The following XRCC4 variants were observed in gnomAD, a reference collection of about 807,000 sequenced individuals.
XRCC4 encodes X-ray repair cross complementing 4.
Under a neutral mutation model 39.1 loss-of-function variants are expected in XRCC4, and 28 were observed. The observed-to-expected ratio is 0.72, with a 90% CI of 0.53 to 0.98. XRCC4 has a LOEUF of 0.98. Among genes scored for constraint, XRCC4 ranks in the 50% least tolerant of loss-of-function variants. XRCC4 has a pLI of 0.00. For synonymous variants in XRCC4, 123 were observed against 126.4 expected (o/e 0.97, Z 0.18); for missense variants, 350 against 376.4 (o/e 0.93, Z 0.58).
intron 3 of XRCC4, among the ~76,000 whole-genome samples, chr5:83,115,231 C>T (rs1024853335): frequency 3.9e-5 from 6 of 152,092 alleles, no homozygotes; most frequent in African/African-American, 1.4e-4. Context: ...AGTTCCAGAC[C>T]AGGCTGACCA....
intron 6 of XRCC4, among the ~76,000 whole-genome samples, chr5:83,208,666 A>G (rs1751513403): frequency 6.6e-6 from 1 of 152,028 alleles, no homozygotes; most frequent in South Asian, 2.1e-4. Context: ...GTACTGTATG[A>G]TGTAGCATGA....
At chr5:83,116,896 A>G (rs1746751419) in intron 3 of XRCC4, among the ~76,000 whole-genome samples, 1 of 152,122 alleles carries the variant, frequency 6.6e-6, no homozygotes, top group African/African-American at 2.4e-5. Flanking sequence ...TGCTGGGATT[A>G]TAGGCATGAG....
At chr5:83,264,320 A>G (rs867117001) in intron 7 of XRCC4, among the ~76,000 whole-genome samples, 2 of 152,144 alleles carry the variant, frequency 1.3e-5, no homozygotes, top group Non-Finnish European at 2.9e-5. Context: ...TTGCAGTCAC[A>G]TAGAGTTTAG....
intron 3 of XRCC4, among the ~76,000 whole-genome samples, chr5:83,129,482 C>A (rs576981667): frequency 6.6e-6 from 1 of 151,970 alleles, no homozygotes; most frequent in Non-Finnish European, 1.5e-5. Context: ...TCCATATGAA[C>A]TTTAAAGTAG....
intron 1 of XRCC4, among the ~76,000 whole-genome samples, chr5:83,087,971 T>C (rs541993440): frequency 6.6e-6 from 1 of 152,328 alleles, no homozygotes; most frequent in East Asian, 1.9e-4. Context: ...TTTCAATTGT[T>C]AAGGAAAAAT....
intron 1 of XRCC4, among the ~76,000 whole-genome samples, chr5:83,082,453 G>T (rs912462491): frequency 6.6e-6 from 1 of 152,094 alleles, no homozygotes; most frequent in Non-Finnish European, 1.5e-5. Context: ...GAAGAAATTG[G>T]GTGAGGGGTA....
At chr5:83,240,520 C>A (rs1164183420) in intron 6 of XRCC4, among the ~76,000 whole-genome samples, 1 of 152,104 alleles carries the variant, frequency 6.6e-6, no homozygotes, top group Non-Finnish European at 1.5e-5. Flanking sequence ...GGCATTCTGA[C>A]TTTTAGGTTT....
intron 7 of XRCC4, among the ~76,000 whole-genome samples, chr5:83,291,577 GA>G (rs1754921241): frequency 6.6e-6 from 1 of 151,846 alleles, no homozygotes; most frequent in Non-Finnish European, 1.5e-5. Context: ...TGGAGCAGCA[GA>G]ATAGAATATA....
At chr5:83,370,682 C>G in the XRCC4 span, among the ~76,000 whole-genome samples, 1 of 152,148 alleles carries the variant, frequency 6.6e-6, no homozygotes. Context: ...TTGGAAACCT[C>G]ATTGTGATTG....
rs374403229 is a variant in XRCC4 at position 83,139,556 on chromosome 5, ATGT to A, written c.315+28358_315+28360del. Among the ~76,000 whole-genome samples, 8 of 152,310 alleles carry A rather than the reference ATGT, an allele frequency of 5.3e-5. No homozygotes were observed. In the South Asian group the frequency reaches 1.4e-3, roughly 28 times the overall value. ...TAGCAGAGTTAGCAAATACAGTCAC[ATGT>A]TGTTTAACAGTGGGGATATGTTCTG... On this transcript the variant is annotated intron_variant, in intron 3 of 7. Coordinates refer to ENST00000396027, the MANE Select transcript of XRCC4 (RefSeq NM_003401.5).
chr5:83,192,767 A>T (rs976199821), intron 3 of XRCC4, among the ~76,000 whole-genome samples: 5 of 152,182 alleles, frequency 3.3e-5, no homozygotes, highest in Admixed American at 2.6e-4. Flanking sequence ...ACTACAAAAA[A>T]ACTCTTAATT....
At position 83,136,903 on chromosome 5, in the gene XRCC4, T is replaced by C. The variant is rs555412190; in HGVS notation, c.315+25700T>C. 5.3e-5 allele frequency among the ~76,000 whole-genome samples: 8 copies of C among 152,340 alleles called. No individual in the cohort carries two copies. In the East Asian group the frequency reaches 1.5e-3, roughly 29 times the overall value. On this transcript the variant is annotated intron_variant, in intron 3 of 7. Transcript: ENST00000396027. ...ACCATGGTGACTATAGGTACCAATA[T>C]TGTACTGTATTTGAAGGTTGCTAAG...
intron 7 of XRCC4, among the ~76,000 whole-genome samples, chr5:83,315,971 G>T (rs1308284591): frequency 4.6e-5 from 7 of 152,082 alleles, no homozygotes; most frequent in African/African-American, 1.4e-4. Flanking sequence ...ATGGATCTTC[G>T]CAAAGTAAAT....
At chr5:83,211,216 G>A (rs1161169796) in intron 6 of XRCC4, among the ~76,000 whole-genome samples, 1 of 152,206 alleles carries the variant, frequency 6.6e-6, no homozygotes, top group African/African-American at 2.4e-5. Flanking sequence ...GCCTAAGACT[G>A]CCTCTATCAC....
At chr5:83,282,569 C>T (rs1188474621) in intron 7 of XRCC4, among the ~76,000 whole-genome samples, 1 of 151,984 alleles carries the variant, frequency 6.6e-6, no homozygotes, top group Non-Finnish European at 1.5e-5. Flanking sequence ...TTGAGCCAGG[C>T]ATGGTGGCTC....
chr5:83,116,196 A>T (rs758662973), intron 3 of XRCC4, among the ~76,000 whole-genome samples: 1 of 152,218 alleles, frequency 6.6e-6, no homozygotes, highest in Non-Finnish European at 1.5e-5. Context: ...CCTTTTCTTG[A>T]TGATACAAAC....
At chr5:83,151,801 G>C (rs1363357545) in intron 3 of XRCC4, among the ~76,000 whole-genome samples, 1 of 152,132 alleles carries the variant, frequency 6.6e-6, no homozygotes, top group East Asian at 1.9e-4. Flanking sequence ...TCAGATAAAA[G>C]GATATAGTAA....
intron 1 of XRCC4, among the ~76,000 whole-genome samples, chr5:83,087,662 CA>C (rs911372348): frequency 4.0e-4 from 58 of 143,318 alleles, no homozygotes; most frequent in African/African-American, 6.2e-4. Flanking sequence ...GACCCTGTGT[CA>C]AAAAAAAAAA....
chr5:83,251,454 G>T (rs1318711428), intron 6 of XRCC4, among the ~76,000 whole-genome samples: 1 of 150,382 alleles, frequency 6.6e-6, no homozygotes, highest in African/African-American at 2.4e-5. Flanking sequence ...AACCCGGGAG[G>T]TGGAGGTTGC....
Sources: gnomAD v4.1 joint callset for allele counts (sites outside exome capture counted in the v4.1 genomes callset) on GRCh38, gnomAD v4.1.1 for gene constraint, MANE v1.5 for transcripts, NCBI Gene and HGNC (gene_info 2026-07-23, HGNC 2026-07-21) for gene names.